The following MYH11 variants were observed in gnomAD, a reference collection of about 807,000 sequenced individuals.
The protein encoded by MYH11 is myosin-11.
In MYH11, 80 loss-of-function variants were observed where a neutral mutation model predicts 246.6. That is an observed-to-expected ratio of 0.32 (90% CI 0.27 to 0.39). The LOEUF (loss-of-function observed/expected upper bound fraction) is 0.39. Among genes scored for constraint, MYH11 ranks in the 10% least tolerant of loss-of-function variants. MYH11 has a pLI of 1.00. For missense variants in MYH11, 2,158 were observed against 2,546.8 expected (o/e 0.85, Z 3.29); for synonymous variants, 1,071 against 1,015.5 (o/e 1.05, Z -1.04).
intron 16 of MYH11, among the ~76,000 whole-genome samples, chr16:15,748,750 G>C (rs1040967029): frequency 6.6e-6 from 1 of 152,014 alleles, no homozygotes; most frequent in Non-Finnish European, 1.5e-5. Flanking sequence ...CAAGTATTTG[G>C]GACCACAGGT....
chr16:15,727,629 TAATA>T (rs1320752018), intron 27 of MYH11, among the ~76,000 whole-genome samples: 3 of 152,200 alleles, frequency 2.0e-5, no homozygotes, highest in Admixed American at 6.5e-5. Context: ...GCCGACATTT[TAATA>T]AATGTCACAT....
intron 3 of MYH11, among the ~76,000 whole-genome samples, chr16:15,816,228 A>G (rs2043259382): frequency 1.3e-5 from 2 of 152,206 alleles, no homozygotes; most frequent in South Asian, 4.1e-4. Context: ...AAAAGATCCT[A>G]TATGACAGTT....
In MYH11 at chr16:15,724,302, G is replaced by A. The variant is rs1346896885; in HGVS notation, c.4224C>T (p.Tyr1408=). The A allele has an allele frequency of 3.0e-5, 48 of 1,614,010 alleles. No individual in the cohort carries two copies. Among genetic ancestry groups the A allele is most frequent in the East Asian group, 6.7e-5 (3 of 44,898 alleles). Residue 1408 remains tyrosine, a synonymous_variant, in exon 31 of 41, where the codon TAC becomes TAT. Transcript: ENST00000300036. The part of the protein sequence containing the change: ...QKEIENLTQQ[Y]EEKAAAYDKL... Reference sequence around the variant, plus strand: ...TATCATAAGCGGCCGCCTTCTCCTCGTACTGCTGGGTGAGGTTCTCGATCT... The same window carrying A: ...TATCATAAGCGGCCGCCTTCTCCTCATACTGCTGGGTGAGGTTCTCGATCT...
chr16:15,746,511 T>G (rs1284352348), intron 19 of MYH11, among the ~76,000 whole-genome samples: 1 of 152,114 alleles, frequency 6.6e-6, no homozygotes, highest in Non-Finnish European at 1.5e-5. Flanking sequence ...TTGACCATCT[T>G]GGGTCCATGT....
chr16:15,706,086 G>T (rs945031625), intron 40 of MYH11, among the ~76,000 whole-genome samples: 1 of 151,876 alleles, frequency 6.6e-6, no homozygotes, highest in Non-Finnish European at 1.5e-5. Flanking sequence ...GAGAGACCCC[G>T]GCTGGGAAAG....
chr16:15,776,470 ATCT>A (rs1373204853), intron 7 of MYH11, among the ~76,000 whole-genome samples: 1 of 152,200 alleles, frequency 6.6e-6, no homozygotes, highest in Non-Finnish European at 1.5e-5. Context: ...TCACCAGCAA[ATCT>A]TCTTTAAAAT....
chr16:15,823,359 A>T lies in MYH11; in HGVS notation c.398T>A (p.Ile133Asn). ...VVVNPYKHLP[I>N]YSEKIVDMYK... Reference sequence around the variant, plus strand: ...CATGTCGACGATCTTCTCCGAGTAGATGGGCAGGTGTTTATAGGGGTTGAC... The same window carrying T: ...CATGTCGACGATCTTCTCCGAGTAGTTGGGCAGGTGTTTATAGGGGTTGAC... The change falls in exon 3 of 41, where the codon ATC (isoleucine) becomes AAC (asparagine). Residue 133 changes from isoleucine to asparagine, a missense_variant. Physicochemically the swap from Ile to Asn is moderately radical, Grantham distance 149. This residue lies in a region of MYH11 where 34 missense variants were observed against 25.6 expected (regional missense o/e 1.33). Coordinates refer to ENST00000300036, the MANE Select transcript of MYH11 (RefSeq NM_002474.3). 1 of 1,614,124 alleles carries T rather than the reference A, an allele frequency of 6.2e-7. No individual in the cohort carries two copies. Among genetic ancestry groups the T allele is most frequent in the Non-Finnish European group, 8.5e-7 (1 of 1,180,032 alleles).
intron 40 of MYH11, chr16:15,708,873 C>T (rs765589430): frequency 1.0e-5 from 16 of 1,603,450 alleles, no homozygotes; most frequent in Non-Finnish European, 1.4e-5. Context: ...CGGAGGTTAC[C>T]ATCAGCAAAC....
At chr16:15,826,072 G>A (rs1193690511) in intron 2 of MYH11, among the ~76,000 whole-genome samples, 1 of 152,116 alleles carries the variant, frequency 6.6e-6, no homozygotes, top group East Asian at 1.9e-4. Context: ...CCCGCCCCCA[G>A]GTATGAGCAT....
In MYH11 at chr16:15,782,289, A is replaced by G. The variant is rs1343524957; in HGVS notation, c.726+96T>C. On this transcript the variant is annotated intron_variant, in intron 6 of 40. Transcript: ENST00000300036. ...ATACAGCCCATCTCTCCAGGGTCAG[A>G]TGCCCCTCCCACCTCTGCACGCAAA... 6 of 1,011,726 alleles carry G rather than the reference A, an allele frequency of 5.9e-6. No individual in the cohort carries two copies. The East Asian group carries it at 1.4e-4, about 24-fold the overall frequency. The allele number at this position is 1,011,726 out of a possible 1,614,324, so 62.7% of individuals were successfully genotyped here.
chr16:15,789,770 T>C (rs1225070641), intron 4 of MYH11, among the ~76,000 whole-genome samples: 2 of 152,166 alleles, frequency 1.3e-5, no homozygotes, highest in Admixed American at 6.5e-5. Context: ...TGGATTCTGA[T>C]TAAAGCAAGA....
chr16:15,706,064 G>T (rs1309168055), intron 40 of MYH11, among the ~76,000 whole-genome samples: 1 of 149,640 alleles, frequency 6.7e-6, no homozygotes, highest in African/African-American at 2.5e-5. Flanking sequence ...CCCTTTTGTT[G>T]ACAGAGGATG....
intron 4 of MYH11, among the ~76,000 whole-genome samples, chr16:15,788,893 G>C (rs2042545705): frequency 6.6e-6 from 1 of 151,344 alleles, no homozygotes. Flanking sequence ...GTTTATAATA[G>C]CAGCTACTCA....
chr16:15,733,784 C>G (rs2041036665), intron 26 of MYH11, among the ~76,000 whole-genome samples: 1 of 152,172 alleles, frequency 6.6e-6, no homozygotes, highest in Non-Finnish European at 1.5e-5. Context: ...CTCAGGTGAT[C>G]TGTCTGCTTC....
chr16:15,838,355 C>T, intron 1 of MYH11, 86 bp from the exon 2 acceptor site: 1 of 1,083,562 alleles, frequency 9.2e-7, no homozygotes. Flanking sequence ...TGTCTAGGAA[C>T]TCGGTCTGCA....
chr16:15,852,170 G>A (rs1246237817), intron 1 of MYH11, among the ~76,000 whole-genome samples: 1 of 152,046 alleles, frequency 6.6e-6, no homozygotes, highest in Non-Finnish European at 1.5e-5. Flanking sequence ...CGTTCCTTAT[G>A]AGAATCTAAC....
At chr16:15,718,110 G>T in intron 37 of MYH11, 3 of 766,362 alleles carry the variant, frequency 3.9e-6, no homozygotes, top group South Asian at 3.5e-5. Flanking sequence ...ATGAGACACT[G>T]CAGCGTGGAG....
Position 15,737,619 on chromosome 16 carries a change from C to T in MYH11, c.3123G>A (p.Val1041=). Residue 1041 remains valine (V), a splice_region_variant and synonymous_variant, in exon 25 of 41, where the codon GTG becomes GTA. Coordinates refer to ENST00000300036, the MANE Select transcript of MYH11 (RefSeq NM_002474.3). ...GGCTCTTCTCTTCCTTCTTTAGCCG[C>T]ACTGCAAAAACCAAGGTGCTCTTCA... ...KHESMISELE[V]RLKKEEKSRQ... is the part of the protein sequence containing the mutation. 2 of 1,612,058 alleles carry T rather than the reference C, an allele frequency of 1.2e-6. No homozygotes were observed. Among genetic ancestry groups the T allele is most frequent in the Non-Finnish European group, 1.7e-6 (2 of 1,179,984 alleles).
chr16:15,779,259 C>T, intron 6 of MYH11: 1 of 326,720 alleles, frequency 3.1e-6, no homozygotes, highest in South Asian at 2.8e-5. Context: ...TGACCTCACC[C>T]TCCCAAGCAG....
Sources: gnomAD v4.1 joint callset for allele counts (sites outside exome capture counted in the v4.1 genomes callset) on GRCh38, gnomAD v4.1.1 for gene constraint, gnomAD v4.1.1 regional missense constraint, MANE v1.5 for transcripts, NCBI Gene and HGNC (gene_info 2026-07-23, HGNC 2026-07-21) for gene names.